ZNF277: variants seen among roughly 807,000 people sequenced by gnomAD.
ZNF277 encodes zinc finger protein 277.
ZNF277 carries 55 observed loss-of-function variants against 60.7 expected under a neutral mutation model. The observed-to-expected ratio is 0.91, with a 90% CI of 0.73 to 1.13. The LOEUF (loss-of-function observed/expected upper bound fraction) is 1.13, where lower values mean the gene tolerates loss of function less well. ZNF277 is among the 50% of genes most tolerant of loss of function. ZNF277 has a pLI of 0.00. For missense variants in ZNF277, 510 were observed against 523.0 expected (o/e 0.98, Z 0.24); for synonymous variants, 178 against 179.3 (o/e 0.99, Z 0.06).
chr7:112,265,949 G>C (rs1363458006), intron 1 of ZNF277, among the ~76,000 whole-genome samples: 1 of 152,056 alleles, frequency 6.6e-6, no homozygotes, highest in East Asian at 1.9e-4. Context: ...CCCAGTAGTG[G>C]GTTCCTCTCT....
intron 4 of ZNF277, among the ~76,000 whole-genome samples, chr7:112,302,344 T>C (rs1336455839): frequency 6.6e-6 from 1 of 152,094 alleles, no homozygotes; most frequent in Non-Finnish European, 1.5e-5. Flanking sequence ...TTTTAAAATA[T>C]AGTTCTAGAG....
chr7:112,252,898 A>G (rs991599171), intron 1 of ZNF277, among the ~76,000 whole-genome samples: 2 of 152,208 alleles, frequency 1.3e-5, no homozygotes, highest in Non-Finnish European at 2.9e-5. Flanking sequence ...ACCTAGATGT[A>G]GTGTCTTAGG....
intron 1 of ZNF277, among the ~76,000 whole-genome samples, chr7:112,242,676 A>G (rs1402339203): frequency 6.6e-6 from 1 of 152,070 alleles, no homozygotes; most frequent in East Asian, 1.9e-4. Flanking sequence ...AGATGACACA[A>G]ATGAATGGAA....
chr7:112,279,399 G>A (rs1163984465), intron 1 of ZNF277, among the ~76,000 whole-genome samples: 1 of 152,116 alleles, frequency 6.6e-6, no homozygotes, highest in African/African-American at 2.4e-5. Flanking sequence ...AGCCATCTTA[G>A]GAGGTACGAG....
rs768704088 is a variant in ZNF277 at position 112,287,055 on chromosome 7, T to G, written c.274T>G (p.Leu92Val). The part of the protein sequence containing the change: ...EHKIVIADVK[L>V]VADFQRYILY... The stretch of plus-strand genomic sequence containing the variant: ...TAAGATTGTCATAGCTGATGTCAAG[T>G]TGGTTGCTGATTTCCAAAGGTAAGT... Residue 92 changes from leucine (L) to valine (V), a missense_variant, in exon 2 of 12, where the codon TTG (leucine) becomes GTG (valine). Physicochemically the swap from Leu to Val is conservative, Grantham distance 32. Transcript: ENST00000361822. 5 of 1,614,056 alleles carry G rather than the reference T, an allele frequency of 3.1e-6. No homozygotes were observed. The highest frequency in any genetic ancestry group is 1.7e-5 in the Admixed American group (1 of 60,016).
chr7:112,282,629 A>G (rs1365445559), intron 1 of ZNF277, among the ~76,000 whole-genome samples: 1 of 152,200 alleles, frequency 6.6e-6, no homozygotes, highest in Non-Finnish European at 1.5e-5. Context: ...TGCCTCAGAC[A>G]AGCCCTCAGG....
At chr7:112,277,077 A>ATTTTTTTTTTTTTTTTTTTTTTTTTTTT (rs59902516) in intron 1 of ZNF277, among the ~76,000 whole-genome samples, 1 of 104,480 alleles carries the variant, frequency 9.6e-6, no homozygotes, top group Non-Finnish European at 1.8e-5. Flanking sequence ...GAATCTGTTG[A>ATTTTTTTTTTTTTTTTTTTTTTTTTTTT]TTTTTTTTTT....
intron 1 of ZNF277, among the ~76,000 whole-genome samples, chr7:112,241,550 C>T (rs974502631): frequency 6.6e-6 from 1 of 152,112 alleles, no homozygotes; most frequent in Non-Finnish European, 1.5e-5. Flanking sequence ...TCTGCACTTC[C>T]ATGTTTGTTG....
chr7:112,305,529 A>C (rs1333106266), intron 4 of ZNF277, among the ~76,000 whole-genome samples: 1 of 151,960 alleles, frequency 6.6e-6, no homozygotes. Flanking sequence ...CCTATTCTGC[A>C]TTTGAGGTTA....
At chr7:112,208,208 CT>C (rs1307177845) in intron 1 of ZNF277, among the ~76,000 whole-genome samples, 2 of 151,808 alleles carry the variant, frequency 1.3e-5, no homozygotes, top group Non-Finnish European at 2.9e-5. Context: ...AACCCCGTCT[CT>C]ACTAAAAATA....
At position 112,296,912 on chromosome 7, in the gene ZNF277, A is replaced by ATT. The variant is rs1170078999; in HGVS notation, c.465+633_465+634dup. Among the ~76,000 whole-genome samples, 97 of 39,644 alleles carry ATT rather than the reference A, an allele frequency of 2.4e-3. 6 individuals carry two copies. Among genetic ancestry groups the ATT allele is most frequent in the Non-Finnish European group, 4.3e-3 (65 of 15,076 alleles). 26.0% of individuals were successfully genotyped at this position (39,644 alleles called of 152,430 possible). A position where few individuals can be genotyped will look rare whatever the true frequency, so the allele number is the denominator to read the frequency against. Reference sequence around the variant, plus strand: ...ATTTTATTTATTTATTTATTTATTTATTTTTTTTTTTTTTTTTTTTTTTTT... The same window carrying ATT: ...ATTTTATTTATTTATTTATTTATTTATTTTTTTTTTTTTTTTTTTTTTTTTTT... On this transcript the variant is annotated intron_variant, in intron 4 of 11. Transcript: ENST00000361822.
chr7:112,273,431 G>C (rs1231108094), intron 1 of ZNF277, among the ~76,000 whole-genome samples: 3 of 152,174 alleles, frequency 2.0e-5, no homozygotes, highest in African/African-American at 7.2e-5. Context: ...GCTGGGGGAT[G>C]GGGGAAGGGT....
rs951831170 is a variant in ZNF277 at position 112,313,283 on chromosome 7, T to A, written c.466-4899T>A. ...TGCCCTTAAAAAGTATGTTTTAAAA[T>A]TTTTTTTTTTTTTTCAGACTGGGCC... On this transcript the variant is annotated intron_variant, in intron 4 of 11. Transcript: ENST00000361822. Among the ~76,000 whole-genome samples, 61 of 88,050 alleles carry A rather than the reference T, an allele frequency of 6.9e-4. 1 individual carries two copies. In the South Asian group the frequency reaches 0.012, roughly 18 times the overall value. The allele number at this position is 88,050 out of a possible 152,430, so 57.8% of individuals were successfully genotyped here.
At chr7:112,281,869 G>A (rs1298294623) in intron 1 of ZNF277, among the ~76,000 whole-genome samples, 1 of 151,856 alleles carries the variant, frequency 6.6e-6, no homozygotes, top group Non-Finnish European at 1.5e-5. Context: ...GTCTTGCTCT[G>A]TCACCCAGGC....
intron 1 of ZNF277, among the ~76,000 whole-genome samples, chr7:112,254,178 T>G (rs1441570733): frequency 6.6e-6 from 1 of 152,240 alleles, no homozygotes; most frequent in African/African-American, 2.4e-5. Flanking sequence ...CAGAAAGCAA[T>G]AAACCACATT....
chr7:112,220,248 T>C (rs1360913110), intron 1 of ZNF277, among the ~76,000 whole-genome samples: 2 of 152,200 alleles, frequency 1.3e-5, no homozygotes, highest in Non-Finnish European at 2.9e-5. Context: ...TAGTTTTCCC[T>C]GTACAGATCT....
intron 1 of ZNF277, among the ~76,000 whole-genome samples, chr7:112,258,193 GC>G (rs1176349783): frequency 2.0e-5 from 3 of 152,062 alleles, no homozygotes; most frequent in African/African-American, 7.2e-5. Flanking sequence ...GAGAGAGTGA[GC>G]CTTCTGCAAG....
chr7:112,287,129 A>G (rs952832071), intron 2 of ZNF277, 55 bp downstream of exon 2: 2 of 1,581,706 alleles, frequency 1.3e-6, no homozygotes, highest in South Asian at 1.1e-5. Flanking sequence ...GTGGTGGCTC[A>G]TGTCTGTAAT....
At chr7:112,265,754 A>C (rs1285837531) in intron 1 of ZNF277, among the ~76,000 whole-genome samples, 1 of 152,204 alleles carries the variant, frequency 6.6e-6, no homozygotes, top group Non-Finnish European at 1.5e-5. Context: ...ACTTTGCTTG[A>C]AAGTTTTACA....
Sources: gnomAD v4.1 joint callset for allele counts (sites outside exome capture counted in the v4.1 genomes callset) on GRCh38, gnomAD v4.1.1 for gene constraint, MANE v1.5 for transcripts, NCBI Gene and HGNC (gene_info 2026-07-23, HGNC 2026-07-21) for gene names.